BTN3A1: variants seen among roughly 807,000 people sequenced by gnomAD.
The protein encoded by BTN3A1 is butyrophilin subfamily 3 member A1.
A neutral mutation model predicts 43.0 loss-of-function variants in BTN3A1; 24 were observed. The observed-to-expected ratio is 0.56, with a 90% confidence interval of 0.40 to 0.78. BTN3A1 has a LOEUF of 0.78. Ranked by LOEUF, BTN3A1 falls within the 30% of genes least tolerant of loss-of-function variation. The pLI, the probability that BTN3A1 is intolerant of heterozygous loss-of-function variation, is 0.00. For synonymous variants in BTN3A1, 181 were observed against 234.7 expected (o/e 0.77, Z 2.09); for missense variants, 533 against 626.2 (o/e 0.85, Z 1.59).
At chr6:26,409,832 T>C (rs1762148529) in intron 5 of BTN3A1, 62 bp from the exon 6 acceptor site, 1 of 1,613,380 alleles carries the variant, frequency 6.2e-7, no homozygotes, top group African/African-American at 1.3e-5. Context: ...GCTTTTAAGG[T>C]TAATTTTTTA....
chr6:26,405,265 AG>A, intron 1 of BTN3A1, 106 bp from the exon 2 acceptor site: 1 of 448,124 alleles, frequency 2.2e-6, no homozygotes, highest in African/African-American at 2.0e-5. Context: ...TGGACTTGGC[AG>A]GGGAAGTTTG....
At chr6:26,411,000 TAAAAAAAA>T (rs1170183887) in intron 7 of BTN3A1, 101 bp from the exon 8 acceptor site, 51 of 359,562 alleles carry the variant, frequency 1.4e-4, no homozygotes, top group South Asian at 4.7e-4. Context: ...ATACAGGTGG[TAAAAAAAA>T]AAAAAAAAAA....
Position 26,407,903 on chromosome 6 carries a change from C to T in BTN3A1, c.666C>T (p.Ile222=), listed in dbSNP as rs140260146. ...GSSGEGVSCT[I]RSSLLGLEKT... is the part of the protein sequence containing the mutation. Reference sequence around the variant, plus strand: ...CTGGGGAGGGTGTATCCTGTACCATCAGAAGTTCCCTCCTCGGCCTGGAAA... The same window carrying T: ...CTGGGGAGGGTGTATCCTGTACCATTAGAAGTTCCCTCCTCGGCCTGGAAA... The change falls in exon 4 of 10, where the codon ATC becomes ATT. Residue 222 remains isoleucine (I), a synonymous_variant. Transcript: ENST00000289361. 386 of 1,614,224 alleles carry T rather than the reference C, an allele frequency of 2.4e-4. No homozygotes were observed. The highest frequency in any genetic ancestry group is 3.5e-4 in the South Asian group (32 of 91,088).
At chr6:26,409,096 G>T (rs1379877740) in intron 4 of BTN3A1, among the ~76,000 whole-genome samples, 2 of 143,364 alleles carry the variant, frequency 1.4e-5, no homozygotes, top group Non-Finnish European at 3.1e-5. Flanking sequence ...TGACACCCAG[G>T]GCCTCCAGCT....
chr6:26,407,854 C>T lies in BTN3A1; in HGVS notation c.617C>T (p.Ala206Val). The change falls in exon 4 of 10, where the codon GCA (alanine) becomes GTA (valine). Residue 206 changes from alanine (A) to valine (V), a missense_variant. By Grantham distance (64) the Ala-to-Val change is moderately conservative. Around this residue, in one of 4 missense-constraint regions of BTN3A1, gnomAD observed 415 missense variants for 427.0 expected, o/e 0.97. Coordinates refer to ENST00000289361, the MANE Select transcript of BTN3A1 (RefSeq NM_007048.6). ...ADGVGLYAVA[A>V]SVIMRGSSGE... ...GGAGTGGGCCTGTATGCAGTAGCAG[C>T]ATCTGTGATCATGAGAGGCAGCTCT... 1.9e-6 allele frequency: 3 copies of T among 1,614,246 alleles called. No individual in the cohort carries two copies. The highest frequency in any genetic ancestry group is 2.2e-5 in the East Asian group (1 of 44,892).
Position 26,405,607 on chromosome 6 carries a change from G to T in BTN3A1, c.44G>T (p.Arg15Leu), listed in dbSNP as rs56161420. 6.2e-7 allele frequency: 1 copy of T among 1,613,970 alleles called. No individual in the cohort carries two copies. The highest frequency in any genetic ancestry group is 8.5e-7 in the Non-Finnish European group (1 of 1,180,002). Residue 15 changes from arginine to leucine, a missense_variant, in exon 2 of 10, where the codon CGT (arginine) becomes CTT (leucine). Physicochemically the swap from Arg to Leu is moderately radical, Grantham distance 102 (BLOSUM62 -2). Coordinates refer to ENST00000289361, the MANE Select transcript of BTN3A1 (RefSeq NM_007048.6). ...SFLAFLLLNFRVCLLLLQLLM... is the reference protein window; with the variant it reads ...SFLAFLLLNFLVCLLLLQLLM... ...CTGGCCTTCCTTCTGCTCAACTTTC[G>T]TGTCTGCCTCCTTTTGCTTCAGCTG... is the stretch of plus-strand genomic sequence containing the variant.
In BTN3A1 at chr6:26,415,116, TATC is replaced by T. The variant is rs1762342389; in HGVS notation, c.*1430_*1432del. 6.6e-6 allele frequency: 1 copy of T among 152,158 alleles called. No homozygotes were observed. The highest frequency in any genetic ancestry group is 2.1e-4 in the South Asian group (1 of 4,822). 9.4% of individuals were successfully genotyped at this position (152,158 alleles called of 1,614,324 possible). A position where few individuals can be genotyped will look rare whatever the true frequency, so the allele number is the denominator to read the frequency against. ...CTGCTAGGGAAAAACTACTCCTCAT[TATC>T]ATCATTATTATTGCTCTCCACTGTA... On this transcript the variant is annotated 3_prime_UTR_variant, in exon 10 of 10. Transcript: ENST00000289361.
rs780021835 is a variant in BTN3A1 at position 26,413,263 on chromosome 6, G to T, written c.1113G>T (p.Leu371=). The change falls in exon 10 of 10, where the codon CTG becomes CTT. Residue 371 remains leucine, a synonymous_variant. Coordinates refer to ENST00000289361, the MANE Select transcript of BTN3A1 (RefSeq NM_007048.6). ...AGCGTGCCAAGGAGCCCCAGGATCTGCCAGACAACCCTGAGAGATTTAATT... is the reference window on the plus strand; with the variant it reads ...AGCGTGCCAAGGAGCCCCAGGATCTTCCAGACAACCCTGAGAGATTTAATT... ...SVQRAKEPQD[L]PDNPERFNWH... is the part of the protein sequence containing the mutation. The T allele has an allele frequency of 6.2e-7, 1 of 1,614,216 alleles. No homozygotes were observed. Among genetic ancestry groups the T allele is most frequent in the Non-Finnish European group, 8.5e-7 (1 of 1,180,032 alleles).
chr6:26,412,542 T>A, intron 9 of BTN3A1: 1 of 1,548,778 alleles, frequency 6.5e-7, no homozygotes, highest in Non-Finnish European at 8.7e-7. Context: ...GGGTGGAGAG[T>A]GAATCTAGGG....
intron 7 of BTN3A1, among the ~76,000 whole-genome samples, chr6:26,410,298 T>C (rs1276593561): frequency 6.6e-6 from 1 of 152,060 alleles, no homozygotes; most frequent in Non-Finnish European, 1.5e-5. Flanking sequence ...CTTTCTCAGC[T>C]GGTCTCGAAG....
At chr6:26,413,024 G>A (rs980310057) in intron 9 of BTN3A1, 145 bp from the exon 10 acceptor site, 49 of 1,487,000 alleles carry the variant, frequency 3.3e-5, no homozygotes, top group African/African-American at 2.0e-4. Context: ...TCCTGACATC[G>A]ATGAGAGAGT....
intron 1 of BTN3A1, chr6:26,404,335 T>C (rs1378298788): frequency 6.6e-6 from 1 of 152,234 alleles, no homozygotes; most frequent in Non-Finnish European, 1.5e-5. Flanking sequence ...TCCAATATTT[T>C]AAAAGTAAAG....
Position 26,413,928 on chromosome 6 carries a change from A to T in BTN3A1, c.*236A>T. ...TGATACTCATTCAATTATTCATATG[A>T]CAGTTGTTTGAGTTTGGTACCATCT... On this transcript the variant is annotated 3_prime_UTR_variant, in exon 10 of 10. Coordinates refer to ENST00000289361, the MANE Select transcript of BTN3A1 (RefSeq NM_007048.6). 1.5e-6 allele frequency: 1 copy of T among 682,490 alleles called. No individual in the cohort carries two copies. Among genetic ancestry groups the T allele is most frequent in the Non-Finnish European group, 2.4e-6 (1 of 424,356 alleles). 42.3% of individuals were successfully genotyped at this position (682,490 alleles called of 1,614,324 possible). A position where few individuals can be genotyped will look rare whatever the true frequency, so the allele number is the denominator to read the frequency against.
At chr6:26,412,106 A>G (rs1314457562) in intron 9 of BTN3A1, 9 of 287,766 alleles carry the variant, frequency 3.1e-5, no homozygotes, top group Admixed American at 1.9e-4. Context: ...AACCTTAAGA[A>G]GGAGATGATG....
At chr6:26,407,648 T>C in intron 3 of BTN3A1, 23 bp from the exon 4 acceptor site, 1 of 1,610,652 alleles carries the variant, frequency 6.2e-7, no homozygotes, top group Non-Finnish European at 8.5e-7. Context: ...CTCAAGAATT[T>C]AGGCTAATTC....
intron 4 of BTN3A1, 129 bp from the exon 5 acceptor site, chr6:26,409,404 A>G (rs1482536670): frequency 3.4e-6 from 3 of 876,262 alleles, no homozygotes; most frequent in East Asian, 5.0e-5. Context: ...AGCATGAGAA[A>G]GATTATTTAA....
intron 9 of BTN3A1, chr6:26,412,524 A>T: frequency 6.5e-7 from 1 of 1,550,146 alleles, no homozygotes; most frequent in Non-Finnish European, 8.7e-7. Context: ...AGGGTGGAGA[A>T]AGCTGAAGGG....
intron 3 of BTN3A1, among the ~76,000 whole-genome samples, 160 bp from the exon 4 acceptor site, chr6:26,407,511 C>G (rs1045576601): frequency 6.6e-6 from 1 of 152,200 alleles, no homozygotes; most frequent in Admixed American, 6.5e-5. Flanking sequence ...GGATACTGCA[C>G]TCATTCATGT....
chr6:26,414,256 G>A lies in BTN3A1; in HGVS notation c.*564G>A, dbSNP rs914360065. 3 of 162,754 alleles carry A rather than the reference G, an allele frequency of 1.8e-5. No individual in the cohort carries two copies. The highest frequency in any genetic ancestry group is 4.8e-5 in the African/African-American group (2 of 41,502). 10.1% of individuals were successfully genotyped at this position (162,754 alleles called of 1,614,324 possible). On this transcript the variant is annotated 3_prime_UTR_variant, in exon 10 of 10. Transcript: ENST00000289361. The stretch of plus-strand genomic sequence containing the variant: ...TGGGAGATGTTCAGCTTCAGTCCCC[G>A]GCCCTATGGCCGTTCTTTTCCACCC...
Sources: allele counts gnomAD v4.1 joint callset (sites outside exome capture counted in the v4.1 genomes callset), GRCh38; gene constraint gnomAD v4.1.1; regional missense constraint gnomAD v4.1.1; transcripts MANE v1.5; gene names NCBI Gene and HGNC (gene_info 2026-07-23, HGNC 2026-07-21).